The following GABRG3 variants were observed in gnomAD, a reference collection of about 807,000 sequenced individuals.
The protein encoded by GABRG3 is gamma-aminobutyric acid type A receptor subunit gamma3.
GABRG3 carries 25 observed loss-of-function variants against 48.8 expected under a neutral mutation model. That is an observed-to-expected ratio of 0.51 (90% CI 0.37 to 0.72). The LOEUF (loss-of-function observed/expected upper bound fraction) is 0.72, where lower values mean the gene tolerates loss of function less well. Among genes scored for constraint, GABRG3 ranks in the 30% least tolerant of loss-of-function variants. GABRG3 has a pLI of 0.00. For synonymous variants in GABRG3, 227 were observed against 217.6 expected, an observed-to-expected ratio of 1.04 and a Z score of -0.38; for missense variants, 394 against 577.9, an observed-to-expected ratio of 0.68 and a Z score of 3.26.
chr15:27,435,392 G>C (rs117897101), intron 5 of GABRG3, among the ~76,000 whole-genome samples: 332 of 152,106 alleles, frequency 2.2e-3, no homozygotes, highest in Non-Finnish European at 4.2e-3. Flanking sequence ...CCATTGTAGT[G>C]TATGTGTAAA....
chr15:27,332,834 C>T (rs1036627550), intron 5 of GABRG3, among the ~76,000 whole-genome samples: 15 of 152,020 alleles, frequency 9.9e-5, no homozygotes, highest in Admixed American at 3.9e-4. Context: ...GAGGTGGTAA[C>T]ATTTACTATA....
intron 3 of GABRG3, among the ~76,000 whole-genome samples, chr15:27,120,742 A>C (rs1258104488): frequency 2.0e-5 from 3 of 152,072 alleles, no homozygotes; most frequent in Admixed American, 2.0e-4. Flanking sequence ...TGTTATCACA[A>C]GGTTGACTTA....
At chr15:27,201,227 G>A (rs557720143) in intron 3 of GABRG3, among the ~76,000 whole-genome samples, 6 of 151,850 alleles carry the variant, frequency 4.0e-5, no homozygotes, top group Non-Finnish European at 8.8e-5. Flanking sequence ...ACAGCTTCCC[G>A]CCCCTCAAGT....
chr15:27,188,233 G>A (rs1434316392), intron 3 of GABRG3, among the ~76,000 whole-genome samples: 2 of 152,148 alleles, frequency 1.3e-5, no homozygotes, highest in African/African-American at 4.8e-5. Flanking sequence ...AGTCCTTTGA[G>A]TATATACCCA....
intron 3 of GABRG3, chr15:27,280,222 T>A (rs1292511665): frequency 1.3e-5 from 2 of 152,170 alleles, no homozygotes; most frequent in Non-Finnish European, 2.9e-5. Context: ...CTTAGATTAT[T>A]GATATGTTTT....
intron 3 of GABRG3, among the ~76,000 whole-genome samples, chr15:27,211,397 C>T (rs991720574): frequency 6.6e-6 from 1 of 152,166 alleles, no homozygotes; most frequent in South Asian, 2.1e-4. Context: ...AACAAATAAT[C>T]CGTGAAGCGT....
chr15:27,389,378 G>T (rs1285166305), intron 5 of GABRG3, among the ~76,000 whole-genome samples: 1 of 152,122 alleles, frequency 6.6e-6, no homozygotes, highest in African/African-American at 2.4e-5. Flanking sequence ...TCCAGTGCAG[G>T]TTTCATTTAA....
At chr15:27,423,039 G>C (rs1888173160) in intron 5 of GABRG3, among the ~76,000 whole-genome samples, 2 of 151,818 alleles carry the variant, frequency 1.3e-5, no homozygotes, top group South Asian at 4.2e-4. Context: ...GTGTGAACCT[G>C]GGGGTCCAGG....
At chr15:26,972,822 C>G (rs1894871299) in intron 1 of GABRG3, among the ~76,000 whole-genome samples, 1 of 152,198 alleles carries the variant, frequency 6.6e-6, no homozygotes, top group Admixed American at 6.5e-5. Context: ...TGGCCCTCCC[C>G]CTTGCAACTG....
At chr15:27,070,758 A>G (rs1896813561) in intron 3 of GABRG3, among the ~76,000 whole-genome samples, 1 of 152,212 alleles carries the variant, frequency 6.6e-6, no homozygotes, top group Non-Finnish European at 1.5e-5. Flanking sequence ...TGATTTATTT[A>G]GAAAATAGGA....
intron 3 of GABRG3, among the ~76,000 whole-genome samples, chr15:27,113,770 T>C (rs748098821): frequency 5.3e-5 from 8 of 152,210 alleles, no homozygotes; most frequent in Non-Finnish European, 1.0e-4. Flanking sequence ...GACTGAAGTA[T>C]GTTTAATCGC....
intron 3 of GABRG3, among the ~76,000 whole-genome samples, chr15:27,310,925 G>T (rs1240883984): frequency 2.0e-5 from 3 of 152,122 alleles, no homozygotes; most frequent in Admixed American, 1.3e-4. Flanking sequence ...CTTATGAGAA[G>T]AAAAGAAAAC....
chr15:27,306,785 T>TTATATATAAACATACAATATAAACATGTC (rs1892517742), intron 3 of GABRG3, among the ~76,000 whole-genome samples: 1 of 105,966 alleles, frequency 9.4e-6, no homozygotes, highest in African/African-American at 4.0e-5. Context: ...ATAAACATGT[T>TTATATATAAACATACAATATAAACATGTC]TATATATAAA....
intron 3 of GABRG3, among the ~76,000 whole-genome samples, chr15:27,111,718 G>A (rs1897552625): frequency 6.6e-6 from 1 of 152,052 alleles, no homozygotes; most frequent in African/African-American, 2.4e-5. Flanking sequence ...TTGGTATAGG[G>A]GCTGTATATG....
intron 3 of GABRG3, among the ~76,000 whole-genome samples, chr15:27,314,069 C>G (rs1055155950): frequency 1.3e-5 from 2 of 151,548 alleles, no homozygotes; most frequent in South Asian, 4.2e-4. Context: ...TTTAGCTAGA[C>G]TAAGAAAAGA....
intron 3 of GABRG3, among the ~76,000 whole-genome samples, chr15:27,056,463 A>G (rs1284647732): frequency 2.6e-5 from 4 of 152,180 alleles, no homozygotes; most frequent in African/African-American, 9.7e-5. Context: ...ATGAAAATTA[A>G]CACCAGACAA....
At chr15:27,169,399 T>C (rs1887488062) in intron 3 of GABRG3, among the ~76,000 whole-genome samples, 1 of 151,998 alleles carries the variant, frequency 6.6e-6, no homozygotes, top group Non-Finnish European at 1.5e-5. Flanking sequence ...TTGGAGGAAC[T>C]GATTGAAGGC....
intron 2 of GABRG3, among the ~76,000 whole-genome samples, chr15:27,003,958 G>T (rs1224214750): frequency 2.3e-4 from 35 of 149,404 alleles, no homozygotes; most frequent in African/African-American, 8.1e-4. Context: ...CCTCCTGGAC[G>T]GGGCGGCTGG....
At chr15:27,178,206 G>T (rs1887808348) in intron 3 of GABRG3, among the ~76,000 whole-genome samples, 1 of 152,162 alleles carries the variant, frequency 6.6e-6, no homozygotes, top group African/African-American at 2.4e-5. Flanking sequence ...ATTAACTCTT[G>T]GGCTAATGGA....
Sources: gnomAD v4.1 joint callset for allele counts (sites outside exome capture counted in the v4.1 genomes callset) on GRCh38, gnomAD v4.1.1 for gene constraint, MANE v1.5 for transcripts, NCBI Gene and HGNC (gene_info 2026-07-23, HGNC 2026-07-21) for gene names.